VCPKMT: variants seen among roughly 807,000 people sequenced by gnomAD.
The protein encoded by VCPKMT is valosin containing protein lysine methyltransferase, also known as protein N-lysine methyltransferase METTL21D.
Under a neutral mutation model 28.6 loss-of-function variants are expected in VCPKMT, and 32 were observed. The observed-to-expected ratio is 1.12, with a 90% CI of 0.84 to 1.50. The LOEUF (loss-of-function observed/expected upper bound fraction) is 1.50. VCPKMT is among the 40% of genes most tolerant of loss of function. The pLI is 0.00. For missense variants in VCPKMT, 366 were observed against 285.0 expected (o/e 1.28, Z -2.05); for synonymous variants, 138 against 111.4 (o/e 1.24, Z -1.50).
intron 5 of VCPKMT, among the ~76,000 whole-genome samples, chr14:50,110,201 C>T (rs1003508413): frequency 6.6e-6 from 1 of 152,194 alleles, no homozygotes; most frequent in Non-Finnish European, 1.5e-5. Context: ...GAGCCAAGAT[C>T]ATGCCACTGC....
chr14:50,109,591 G>A lies in VCPKMT; in HGVS notation c.*108C>T, dbSNP rs1430871935. ...TACATCGGATCTCTAAGGACGTGCC[G>A]GAAAAAAAAATCTGTGAACACAATC... On this transcript the variant is annotated 3_prime_UTR_variant, in exon 6 of 6. Transcript: ENST00000395860. 1.8e-5 allele frequency: 26 copies of A among 1,457,350 alleles called. No individual in the cohort carries two copies. The highest frequency in any genetic ancestry group is 7.9e-5 in the East Asian group (3 of 38,122). The allele number at this position is 1,457,350 out of a possible 1,614,324, so 90.3% of individuals were successfully genotyped here. A position where few individuals can be genotyped will look rare whatever the true frequency, so the allele number is the denominator to read the frequency against.
At chr14:50,107,421 TCTC>T (rs1367352183), downstream of VCPKMT, among the ~76,000 whole-genome samples, 9 of 151,964 alleles carry the variant, frequency 5.9e-5, no homozygotes, top group Admixed American at 5.2e-4. Context: ...TTCAAGCTAT[TCTC>T]CTGCCTCAGC....
In VCPKMT at chr14:50,109,720, C is replaced by T. The variant is rs781093008; in HGVS notation, c.676-7G>A. ...GGCTTCACGATGGAAATTTCTATAACAAAAAAAAAGGAAACTTAAAAGATT... is the reference window on the plus strand; with the variant it reads ...GGCTTCACGATGGAAATTTCTATAATAAAAAAAAAGGAAACTTAAAAGATT... On this transcript the variant is annotated splice_polypyrimidine_tract_variant and splice_region_variant and intron_variant, in intron 5 of 5. Transcript: ENST00000395860. The T allele has an allele frequency of 1.9e-6, 3 of 1,574,468 alleles. No homozygotes were observed. The highest frequency in any genetic ancestry group is 4.6e-5 in the East Asian group (2 of 43,876).
chr14:50,113,268 T>A (rs1388362811), intron 4 of VCPKMT: 1 of 152,250 alleles, frequency 6.6e-6, no homozygotes. Flanking sequence ...AAAAGCTGTT[T>A]AACAGTACGA....
At chr14:50,103,681 G>A (rs577935464), downstream of VCPKMT, among the ~76,000 whole-genome samples, 5 of 152,040 alleles carry the variant, frequency 3.3e-5, no homozygotes, top group South Asian at 1.0e-3. Flanking sequence ...TTTCTTCCCC[G>A]TATCTTCTTT....
At chr14:50,115,797 T>C in intron 3 of VCPKMT, 42 bp downstream of exon 3, 3 of 1,565,700 alleles carry the variant, frequency 1.9e-6, no homozygotes, top group Non-Finnish European at 2.6e-6. Context: ...TGGAATAAGG[T>C]TCATCTTCTA....
chr14:50,112,579 C>T (rs916108962), intron 5 of VCPKMT, 36 bp downstream of exon 5: 4 of 1,374,190 alleles, frequency 2.9e-6, no homozygotes, highest in African/African-American at 2.9e-5. Context: ...CTGATGAAAC[C>T]TCCTTGGAGA....
At chr14:50,112,117 C>A in intron 5 of VCPKMT, 2 of 955,038 alleles carry the variant, frequency 2.1e-6, no homozygotes, top group Non-Finnish European at 2.5e-6. Context: ...GAAAAGTTCA[C>A]AAAGGTAAGA....
downstream of VCPKMT, among the ~76,000 whole-genome samples, chr14:50,104,523 T>C (rs1282938927): frequency 6.6e-6 from 1 of 152,188 alleles, no homozygotes; most frequent in Non-Finnish European, 1.5e-5. Context: ...AAACTGAATA[T>C]TCTCCTCTAA....
intron 5 of VCPKMT, chr14:50,111,942 C>G (rs1409850751): frequency 3.0e-6 from 3 of 985,138 alleles, no homozygotes; most frequent in Non-Finnish European, 3.6e-6. Context: ...GGCTCAAACC[C>G]TAGGTGTCAC....
At chr14:50,103,141 T>C in the VCPKMT span, among the ~76,000 whole-genome samples, 1,114 of 152,324 alleles carry the variant, frequency 7.3e-3, 6 homozygotes, top group Non-Finnish European at 9.5e-3. Context: ...CCAGGGAAGA[T>C]TGCACACCCC....
intron 3 of VCPKMT, among the ~76,000 whole-genome samples, chr14:50,115,361 A>G (rs2139446955): frequency 6.6e-6 from 1 of 152,280 alleles, no homozygotes; most frequent in African/African-American, 2.4e-5. Context: ...CATGTAGGTC[A>G]GGCTGGTCTC....
Position 50,112,700 on chromosome 14 carries a change from T to A in VCPKMT, c.590A>T (p.Asp197Val), listed in dbSNP as rs1031697680. 1 of 1,571,656 alleles carries A rather than the reference T, an allele frequency of 6.4e-7. No individual in the cohort carries two copies. The highest frequency in any genetic ancestry group is 1.2e-5 in the South Asian group (1 of 86,394). Reference sequence around the variant, plus strand: ...TTTTTCCAAAGGAATTTTTTCAAAGTCAAAATCTAGCTGAAGGAGCTATAA... The same window carrying A: ...TTTTTCCAAAGGAATTTTTTCAAAGACAAAATCTAGCTGAAGGAGCTATAA... Reference protein sequence around the residue: ...KYFELLQLDFDFEKIPLEKHD... With the variant: ...KYFELLQLDFVFEKIPLEKHD... The change falls in exon 5 of 6, where the codon GAC becomes GTC. Residue 197 changes from aspartate (D) to valine (V), a missense_variant. Transcript: ENST00000395860.
chr14:50,109,136 A>G lies in VCPKMT; in HGVS notation c.*563T>C. 1 of 918,008 alleles carries G rather than the reference A, an allele frequency of 1.1e-6. No homozygotes were observed. The highest frequency in any genetic ancestry group is 1.3e-6 in the Non-Finnish European group (1 of 767,986). 56.9% of individuals were successfully genotyped at this position (918,008 alleles called of 1,614,324 possible). A position where few individuals can be genotyped will look rare whatever the true frequency, so the allele number is the denominator to read the frequency against. On this transcript the variant is annotated 3_prime_UTR_variant, in exon 6 of 6. Transcript: ENST00000395860. Reference sequence around the variant, plus strand: ...AAACTTTGGCTAATATAAGTATACAAGACAATATCTCAGTTCTTTTTAAAA... The same window carrying G: ...AAACTTTGGCTAATATAAGTATACAGGACAATATCTCAGTTCTTTTTAAAA...
chr14:50,105,983 G>C (rs1013064781), downstream of VCPKMT, among the ~76,000 whole-genome samples: 1 of 152,142 alleles, frequency 6.6e-6, no homozygotes, highest in Non-Finnish European at 1.5e-5. Context: ...ATTCCAAGTG[G>C]TTTTTTGTCC....
chr14:50,105,440 G>A (rs1424583963), downstream of VCPKMT, among the ~76,000 whole-genome samples: 1 of 152,176 alleles, frequency 6.6e-6, no homozygotes, highest in Non-Finnish European at 1.5e-5. Context: ...AGACCAGCTT[G>A]ACCAACATGG....
At chr14:50,107,797 G>T (rs1341189705), downstream of VCPKMT, among the ~76,000 whole-genome samples, 1 of 152,158 alleles carries the variant, frequency 6.6e-6, no homozygotes, top group Non-Finnish European at 1.5e-5. Context: ...GACTCCTCCA[G>T]GAAATTAGTG....
chr14:50,108,224 G>A (rs1450223858), downstream of VCPKMT, among the ~76,000 whole-genome samples: 1 of 150,528 alleles, frequency 6.6e-6, no homozygotes, highest in Non-Finnish European at 1.5e-5. Context: ...AAAGCAGGAG[G>A]GCATAAAAAC....
chr14:50,110,463 T>C (rs1328152613), intron 5 of VCPKMT, among the ~76,000 whole-genome samples: 1 of 152,142 alleles, frequency 6.6e-6, no homozygotes, highest in South Asian at 2.1e-4. Context: ...ACAGAAAAGA[T>C]ACCCAACATC....
Sources: gnomAD v4.1 joint callset for allele counts (sites outside exome capture counted in the v4.1 genomes callset) on GRCh38, gnomAD v4.1.1 for gene constraint, MANE v1.5 for transcripts, NCBI Gene and HGNC (gene_info 2026-07-23, HGNC 2026-07-21) for gene names.